Variants in NLGN1 observed in about 807,000 individuals in gnomAD.
The protein encoded by NLGN1 is neuroligin 1.
Under a neutral mutation model 65.5 loss-of-function variants are expected in NLGN1, and 12 were observed. That is an observed-to-expected ratio of 0.18 (90% CI 0.12 to 0.30). The LOEUF (loss-of-function observed/expected upper bound fraction) is 0.30, where lower values mean the gene tolerates loss of function less well. Among genes scored for constraint, NLGN1 ranks in the 10% least tolerant of loss-of-function variants. NLGN1 has a pLI of 1.00. For missense variants in NLGN1, 750 were observed against 1,007.1 expected (o/e 0.74, Z 3.46); for synonymous variants, 350 against 359.5 (o/e 0.97, Z 0.30).
chr3:174,106,980 TCACACACACA>T (rs370193288), intron 4 of NLGN1, among the ~76,000 whole-genome samples: 28 of 113,184 alleles, frequency 2.5e-4, no homozygotes, highest in African/African-American at 4.5e-4. Context: ...TCTTCAAGAA[TCACACACACA>T]CACACACACA....
intron 3 of NLGN1, among the ~76,000 whole-genome samples, chr3:173,726,451 A>C (rs1771793317): frequency 6.6e-6 from 1 of 152,044 alleles, no homozygotes; most frequent in African/African-American, 2.4e-5. Context: ...AGGATTCTCA[A>C]GAAAATGGTA....
At chr3:173,774,417 A>G (rs1780009715) in intron 3 of NLGN1, among the ~76,000 whole-genome samples, 1 of 152,194 alleles carries the variant, frequency 6.6e-6, no homozygotes, top group Non-Finnish European at 1.5e-5. Flanking sequence ...CAGTCATCCT[A>G]TCTTTTCCAC....
intron 2 of NLGN1, among the ~76,000 whole-genome samples, chr3:173,504,507 T>C (rs148675947): frequency 6.6e-6 from 1 of 152,218 alleles, no homozygotes; most frequent in African/African-American, 2.4e-5. Flanking sequence ...CACATATCTT[T>C]CTGTTAAAAT....
chr3:174,235,461 T>A (rs570596225), intron 4 of NLGN1, among the ~76,000 whole-genome samples: 2 of 152,268 alleles, frequency 1.3e-5, no homozygotes, highest in East Asian at 3.9e-4. Flanking sequence ...TATATCTGTG[T>A]GAGATAATGT....
At chr3:173,716,388 A>T (rs895034018) in intron 3 of NLGN1, among the ~76,000 whole-genome samples, 3 of 152,154 alleles carry the variant, frequency 2.0e-5, no homozygotes, top group African/African-American at 7.2e-5. Context: ...TTAGAATTTC[A>T]ATTTGAAACA....
chr3:173,980,949 T>A (rs1012035052), intron 4 of NLGN1, among the ~76,000 whole-genome samples: 2 of 152,182 alleles, frequency 1.3e-5, no homozygotes, highest in African/African-American at 4.8e-5. Context: ...GTCCAGACTT[T>A]CCCAATTATT....
At chr3:173,448,651 T>A (rs1287276602) in intron 2 of NLGN1, among the ~76,000 whole-genome samples, 1 of 152,220 alleles carries the variant, frequency 6.6e-6, no homozygotes, top group Non-Finnish European at 1.5e-5. Context: ...CAGCTCCTCT[T>A]TGTACCTCTG....
intron 3 of NLGN1, among the ~76,000 whole-genome samples, chr3:173,744,799 G>T (rs1775124893): frequency 1.3e-5 from 2 of 151,192 alleles, no homozygotes; most frequent in Admixed American, 1.3e-4. Flanking sequence ...CCACTGATTG[G>T]CAGTGGTACT....
At chr3:173,791,526 T>C (rs1252776041) in intron 3 of NLGN1, among the ~76,000 whole-genome samples, 1 of 151,824 alleles carries the variant, frequency 6.6e-6, no homozygotes, top group East Asian at 1.9e-4. Context: ...TTCTGTTTTT[T>C]TTTTTTTCTT....
intron 4 of NLGN1, among the ~76,000 whole-genome samples, chr3:173,827,604 A>G (rs775897074): frequency 3.3e-5 from 5 of 150,882 alleles, no homozygotes; most frequent in Non-Finnish European, 7.4e-5. Flanking sequence ...CCTCATCTTA[A>G]TGAGGGATCA....
intron 2 of NLGN1, among the ~76,000 whole-genome samples, chr3:173,508,030 T>G (rs866313948): frequency 1.6e-4 from 25 of 152,300 alleles, no homozygotes; most frequent in Middle Eastern, 3.4e-3. Context: ...AGAATTAGTG[T>G]GTTGTAAATG....
At chr3:173,986,372 G>A (rs985891929) in intron 4 of NLGN1, among the ~76,000 whole-genome samples, 2 of 151,896 alleles carry the variant, frequency 1.3e-5, no homozygotes, top group African/African-American at 4.8e-5. Flanking sequence ...GAGGCTGAGG[G>A]GAAGGAGAAT....
chr3:173,520,323 A>G (rs1734548573), intron 2 of NLGN1, among the ~76,000 whole-genome samples: 1 of 152,194 alleles, frequency 6.6e-6, no homozygotes, highest in African/African-American at 2.4e-5. Flanking sequence ...TACTTAGTCC[A>G]ATATAACAGG....
chr3:174,176,206 C>T (rs1417572895), intron 4 of NLGN1, among the ~76,000 whole-genome samples: 1 of 151,796 alleles, frequency 6.6e-6, no homozygotes, highest in Non-Finnish European at 1.5e-5. Flanking sequence ...AAAATATCAT[C>T]AATCTTTTAC....
At chr3:174,116,266 T>G (rs1418299997) in intron 4 of NLGN1, among the ~76,000 whole-genome samples, 1 of 151,878 alleles carries the variant, frequency 6.6e-6, no homozygotes, top group African/African-American at 2.4e-5. Flanking sequence ...CATCTTACAT[T>G]TATGAACACA....
intron 4 of NLGN1, among the ~76,000 whole-genome samples, chr3:174,026,708 T>G (rs372225239): frequency 6.6e-6 from 1 of 152,158 alleles, no homozygotes; most frequent in African/African-American, 2.4e-5. Context: ...AGAATACTTA[T>G]CATGACTATG....
At chr3:173,598,047 CTTTA>C (rs1207208721) in intron 2 of NLGN1, among the ~76,000 whole-genome samples, 10 of 151,994 alleles carry the variant, frequency 6.6e-5, no homozygotes, top group East Asian at 1.9e-4. Context: ...TTTTACAGTT[CTTTA>C]TTTATTATTG....
At chr3:173,832,524 T>C (rs1722806120) in intron 4 of NLGN1, among the ~76,000 whole-genome samples, 1 of 152,212 alleles carries the variant, frequency 6.6e-6, no homozygotes. Flanking sequence ...TAGAAAAGTT[T>C]ATGTAAACAT....
chr3:173,578,882 T>A (rs184497497), intron 2 of NLGN1, among the ~76,000 whole-genome samples: 5 of 152,346 alleles, frequency 3.3e-5, no homozygotes, highest in Admixed American at 3.3e-4. Flanking sequence ...TGCATCATGC[T>A]ATTATTAGCT....
Sources: gnomAD v4.1 joint callset for allele counts (sites outside exome capture counted in the v4.1 genomes callset) on GRCh38, gnomAD v4.1.1 for gene constraint, MANE v1.5 for transcripts, NCBI Gene and HGNC (gene_info 2026-07-23, HGNC 2026-07-21) for gene names.